Variants in ZNF449 observed in about 807,000 individuals in gnomAD.
The protein encoded by ZNF449 is zinc finger protein 449, also known as zinc finger and SCAN domain-containing protein 19.
ZNF449 carries 4 observed loss-of-function variants against 32.6 expected under a neutral mutation model. That is an observed-to-expected ratio of 0.12 (90% CI 0.06 to 0.28). The LOEUF (loss-of-function observed/expected upper bound fraction) is 0.28, where lower values mean the gene tolerates loss of function less well. Among genes scored for constraint, ZNF449 ranks in the 10% least tolerant of loss-of-function variants. The probability of loss-of-function intolerance (pLI) is 1.00; values close to 1 mark genes in which losing one functional copy is unlikely to be tolerated. For synonymous variants in ZNF449, 123 were observed against 132.2 expected, an observed-to-expected ratio of 0.93 and a Z score of 0.48; for missense variants, 275 against 383.2, an observed-to-expected ratio of 0.72 and a Z score of 2.36.
At chrX:135,354,129 T>C (rs1556451134) in intron 3 of ZNF449, among the ~76,000 whole-genome samples, 1 of 112,333 alleles carries the variant, frequency 8.9e-6, no homozygotes, top group Admixed American at 9.4e-5. Flanking sequence ...TTAATGGGCA[T>C]TTAAAACTTT....
At position 135,363,300 on chromosome X, in the gene ZNF449, G is replaced by A. The variant is rs1226302841; in HGVS notation, c.*2224G>A. 1 of 111,788 alleles carries A rather than the reference G, an allele frequency of 8.9e-6. No homozygotes were observed. The highest frequency in any genetic ancestry group is 1.9e-5 in the Non-Finnish European group (1 of 53,128). The allele number at this position is 111,788 out of a possible 1,213,427, so 9.2% of individuals were successfully genotyped here. A position where few individuals can be genotyped will look rare whatever the true frequency, so the allele number is the denominator to read the frequency against. ...GCACTGTGATTATGCATCATTTTTA[G>A]CATTTAATACAGTCCATTTTTGGCT... On this transcript the variant is annotated 3_prime_UTR_variant, in exon 5 of 5. Transcript: ENST00000339249.
rs1295535822 is a variant in ZNF449, at chrX:135,362,330, A to G, written c.*1254A>G. On this transcript the variant is annotated 3_prime_UTR_variant, in exon 5 of 5. Coordinates refer to ENST00000339249, the MANE Select transcript of ZNF449 (RefSeq NM_152695.6). ...CACACACGCACACACATATGTATAT[A>G]CACATATCATTTTAAGAAGCTGAGG... The G allele has an allele frequency of 1.8e-5, 2 of 111,952 alleles. No homozygotes were observed. Among genetic ancestry groups the G allele is most frequent in the Non-Finnish European group, 3.8e-5 (2 of 53,109 alleles). 9.2% of individuals were successfully genotyped at this position (111,952 alleles called of 1,213,427 possible).
intron 2 of ZNF449, chrX:135,348,130 CGA>C: frequency 7.8e-6 from 1 of 128,619 alleles, no homozygotes; most frequent in Admixed American, 8.7e-5. Flanking sequence ...TCAAGTACTA[CGA>C]ACAGTGTTGC....
intron 3 of ZNF449, among the ~76,000 whole-genome samples, chrX:135,353,214 A>T (rs1252380057): frequency 9.0e-6 from 1 of 110,956 alleles, no homozygotes; most frequent in Non-Finnish European, 1.9e-5. Context: ...AAGGAGGATG[A>T]CACAATGTCT....
chrX:135,359,905 A>G lies in ZNF449; in HGVS notation c.573A>G (p.Pro191=), dbSNP rs782273620. The G allele has an allele frequency of 8.4e-7, 1 of 1,193,174 alleles. No individual in the cohort carries two copies. The highest frequency in any genetic ancestry group is 1.8e-5 in the South Asian group (1 of 55,529). ...QNFLDPGYPL[P]KLDMNFSLEN... is the part of the protein sequence containing the mutation. ...TCTTCTGGCCAGGATATCCATTACC[A>G]AAACTTGACATGAACTTCTCATTGG... Residue 191 remains proline (P), a synonymous_variant, in exon 4 of 5, where the codon CCA becomes CCG. Coordinates refer to ENST00000339249, the MANE Select transcript of ZNF449 (RefSeq NM_152695.6).
rs368141055 is a variant in ZNF449, at chrX:135,360,369, T to G, written c.850T>G (p.Leu284Val). ...CCCCCCAGAGGATTTACAGACAGATTTAGCAAAACTGGTAGATCAGCAGAA... is the reference window on the plus strand; with the variant it reads ...CCCCCCAGAGGATTTACAGACAGATGTAGCAAAACTGGTAGATCAGCAGAA... ...ETPPEDLQTD[L>V]AKLVDQQNPT... Residue 284 changes from leucine (L) to valine (V), a missense_variant, in exon 5 of 5, where the codon TTA (leucine) becomes GTA (valine). This residue lies in a region of ZNF449 where 165 missense variants were observed against 175.0 expected (regional missense o/e 0.94). Transcript: ENST00000339249. The G allele has an allele frequency of 2.5e-6, 3 of 1,208,823 alleles. No individual in the cohort carries two copies. In the African/African-American group the frequency reaches 5.3e-5, roughly 21 times the overall value.
At position 135,347,193 on chromosome X, in the gene ZNF449, C is replaced by T. The variant is rs1556448594; in HGVS notation, c.75C>T (p.Asp25=). Residue 25 remains aspartate, a synonymous_variant, in exon 2 of 5, where the codon GAC becomes GAT. Transcript: ENST00000339249. ...CTGTGTTTCAAGAATATGATACTGA[C>T]TGTGAAGTTTTCCGTCAGCGCTTCA... ...QGSVFQEYDT[D]CEVFRQRFRQ... is the part of the protein sequence containing the mutation. 7.4e-6 allele frequency: 9 copies of T among 1,212,219 alleles called. No homozygotes were observed. Among genetic ancestry groups the T allele is most frequent in the Non-Finnish European group, 8.9e-6 (8 of 895,620 alleles).
Position 135,356,344 on chromosome X carries a change from C to T in ZNF449, c.560-3548C>T, listed in dbSNP as rs192781139. ...GGCGACATTTATTATTATTATTTGA[C>T]ATTTTTATTCTAGCCATCCTATAGG... On this transcript the variant is annotated intron_variant, in intron 3 of 4. Coordinates refer to ENST00000339249, the MANE Select transcript of ZNF449 (RefSeq NM_152695.6). Among the ~76,000 whole-genome samples, 820 of 111,434 alleles carry T rather than the reference C, an allele frequency of 7.4e-3. 3 individuals are homozygous for T. Among genetic ancestry groups the T allele is most frequent in the Admixed American group, 0.012 (128 of 10,505 alleles).
intron 3 of ZNF449, among the ~76,000 whole-genome samples, chrX:135,357,865 A>T (rs1445365275): frequency 9.0e-6 from 1 of 110,916 alleles, no homozygotes; most frequent in Non-Finnish European, 1.9e-5. Flanking sequence ...GTATCTTTGA[A>T]TCTAAAGTAT....
intron 3 of ZNF449, among the ~76,000 whole-genome samples, chrX:135,358,676 T>C (rs1014145917): frequency 1.0e-3 from 112 of 112,365 alleles, no homozygotes; most frequent in Non-Finnish European, 1.0e-3. Flanking sequence ...TGCTTTGTCA[T>C]GTGGATTCAA....
chrX:135,348,610 A>G, intron 2 of ZNF449: 1 of 408,003 alleles, frequency 2.5e-6, no homozygotes, highest in Non-Finnish European at 3.6e-6. Context: ...GGTTCTCTGC[A>G]GGAGCTGTTA....
intron 1 of ZNF449, among the ~76,000 whole-genome samples, chrX:135,345,939 G>T (rs1181133121): frequency 4.5e-5 from 5 of 111,851 alleles, no homozygotes; most frequent in Admixed American, 3.8e-4. Context: ...ACTATACCAA[G>T]AACATTTTGA....
chrX:135,357,324 GGTA>G (rs782479037), intron 3 of ZNF449, among the ~76,000 whole-genome samples: 1 of 111,120 alleles, frequency 9.0e-6, no homozygotes, highest in Non-Finnish European at 1.9e-5. Flanking sequence ...TAGGGTGGGA[GGTA>G]GAGGTCCAAA....
chrX:135,348,914 C>A, intron 2 of ZNF449, 196 bp from the exon 3 acceptor site: 1 of 913,110 alleles, frequency 1.1e-6, no homozygotes, highest in Non-Finnish European at 1.5e-6. Flanking sequence ...AATAATTGTT[C>A]ATATTGATTA....
At chrX:135,345,485 T>C (rs1403811111) in intron 1 of ZNF449, among the ~76,000 whole-genome samples, 1 of 111,780 alleles carries the variant, frequency 8.9e-6, no homozygotes, top group Non-Finnish European at 1.9e-5. Flanking sequence ...CTCTGGGAAA[T>C]AGAGGCCCCC....
intron 3 of ZNF449, among the ~76,000 whole-genome samples, chrX:135,353,796 C>A (rs1163730140): frequency 8.9e-6 from 1 of 111,792 alleles, no homozygotes; most frequent in African/African-American, 3.3e-5. Context: ...TTTATCATTT[C>A]TTTGTGTTTC....
chrX:135,347,659 C>A, intron 2 of ZNF449, 187 bp downstream of exon 2: 2 of 1,113,445 alleles, frequency 1.8e-6, no homozygotes, highest in African/African-American at 1.8e-5. Flanking sequence ...GACTCAATTC[C>A]CCTTCTATAA....
At chrX:135,358,633 C>G (rs1238266428) in intron 3 of ZNF449, among the ~76,000 whole-genome samples, 4 of 111,934 alleles carry the variant, frequency 3.6e-5, no homozygotes, top group Non-Finnish European at 7.5e-5. Flanking sequence ...GCAATACTGT[C>G]TTTTCTCATT....
Position 135,361,229 on chromosome X carries a change from G to C in ZNF449, c.*153G>C. The C allele has an allele frequency of 2.4e-6, 1 of 408,363 alleles. No individual in the cohort carries two copies. The highest frequency in any genetic ancestry group is 8.3e-5 in the South Asian group (1 of 12,002). 33.7% of individuals were successfully genotyped at this position (408,363 alleles called of 1,213,427 possible). ...ACTAGTTTTAAAACCCATCTTCCAA[G>C]GTATATGAATTCTAGAGTATTTATC... On this transcript the variant is annotated 3_prime_UTR_variant, in exon 5 of 5. Transcript: ENST00000339249.
Sources: allele counts gnomAD v4.1 joint callset (sites outside exome capture counted in the v4.1 genomes callset), GRCh38; gene constraint gnomAD v4.1.1; regional missense constraint gnomAD v4.1.1; transcripts MANE v1.5; gene names NCBI Gene and HGNC (gene_info 2026-07-23, HGNC 2026-07-21).